ITPR2: variants seen among roughly 807,000 people sequenced by gnomAD.
ITPR2 encodes the protein inositol 1,4,5-trisphosphate-gated calcium channel ITPR2.
Under a neutral mutation model 317.1 loss-of-function variants are expected in ITPR2, and 207 were observed. The observed-to-expected ratio is 0.65, with a 90% CI of 0.58 to 0.73. ITPR2 has a LOEUF of 0.73. Among genes scored for constraint, ITPR2 ranks in the 30% least tolerant of loss-of-function variants. ITPR2 has a pLI of 0.00. For missense variants in ITPR2, 2,613 were observed against 3,284.0 expected (o/e 0.80, Z 4.99); for synonymous variants, 1,156 against 1,149.1 (o/e 1.01, Z -0.12).
chr12:26,342,904 C>T (rs1006856287), intron 55 of ITPR2, among the ~76,000 whole-genome samples: 2 of 151,546 alleles, frequency 1.3e-5, no homozygotes, highest in African/African-American at 2.4e-5. Flanking sequence ...CCACCACGTC[C>T]GGTGAGTTCT....
At chr12:26,644,786 C>T (rs553897639) in intron 21 of ITPR2, among the ~76,000 whole-genome samples, 3 of 152,252 alleles carry the variant, frequency 2.0e-5, no homozygotes, top group Admixed American at 2.0e-4. Flanking sequence ...GAGGACACAG[C>T]CAAACCATAT....
chr12:26,692,449 GATCATATTCCAC>G (rs1423080183), intron 10 of ITPR2, among the ~76,000 whole-genome samples: 4 of 152,170 alleles, frequency 2.6e-5, no homozygotes, highest in African/African-American at 9.7e-5. Context: ...AGAAAAATCA[GATCATATTCCAC>G]ATAAATATGG....
At chr12:26,617,720 G>GAAGGAGCGA (rs879814979) in intron 26 of ITPR2, among the ~76,000 whole-genome samples, 1 of 115,030 alleles carries the variant, frequency 8.7e-6, no homozygotes, top group Non-Finnish European at 1.8e-5. Context: ...AGGAGGGAAG[G>GAAGGAGCGA]AGGAAGGGAG....
Position 26,659,149 on chromosome 12 carries a change from G to A in ITPR2, c.1850C>T (p.Thr617Ile), listed in dbSNP as rs555235892. 1 of 1,613,208 alleles carries A rather than the reference G, an allele frequency of 6.2e-7. No individual in the cohort carries two copies. Among genetic ancestry groups the A allele is most frequent in the African/African-American group, 1.3e-5 (1 of 75,014 alleles). The change falls in exon 16 of 57, where the codon ACA becomes ATA. Residue 617 changes from threonine to isoleucine, a missense_variant. Thr to Ile is a moderately conservative substitution (Grantham distance 89). This residue lies in a region of ITPR2 where 515 missense variants were observed against 789.4 expected (regional missense o/e 0.65). Coordinates refer to ENST00000381340, the MANE Select transcript of ITPR2 (RefSeq NM_002223.4). ...EKHITAKEIE[T>I]FVSLLRRNRE... is the part of the protein sequence containing the mutation. ...ATTTCTCCTGAGTAAACTGACAAAT[G>A]TTTCTATTTCTTTTGCTGTGATATG...
At chr12:26,593,539 G>C (rs1206346756) in intron 32 of ITPR2, among the ~76,000 whole-genome samples, 1 of 152,150 alleles carries the variant, frequency 6.6e-6, no homozygotes, top group African/African-American at 2.4e-5. Flanking sequence ...CTGGTGAAGG[G>C]ATTAGAGAGC....
chr12:26,498,218 CAAAAG>C (rs971404253), intron 37 of ITPR2, among the ~76,000 whole-genome samples: 1 of 152,164 alleles, frequency 6.6e-6, no homozygotes, highest in African/African-American at 2.4e-5. Flanking sequence ...TGACTAGTCT[CAAAAG>C]AAACAGTGAA....
At chr12:26,509,958 T>TTTTGTG (rs1247091708) in intron 37 of ITPR2, among the ~76,000 whole-genome samples, 1 of 53,196 alleles carries the variant, frequency 1.9e-5, no homozygotes, top group East Asian at 5.8e-4. Context: ...GATAAGGGTT[T>TTTTGTG]TGTGTGTGTG....
At chr12:26,424,579 G>T (rs11048511) in intron 49 of ITPR2, among the ~76,000 whole-genome samples, 7 of 129,706 alleles carry the variant, frequency 5.4e-5, no homozygotes, top group Non-Finnish European at 4.6e-5. Context: ...TTTTGTTTTC[G>T]TTTTGTGTTT....
chr12:26,736,556 C>A (rs1949121428), intron 2 of ITPR2, among the ~76,000 whole-genome samples: 1 of 152,140 alleles, frequency 6.6e-6, no homozygotes, highest in South Asian at 2.1e-4. Context: ...TTGAGTTCAA[C>A]TTAACATAAT....
chr12:26,820,591 T>C (rs556082173), intron 1 of ITPR2, among the ~76,000 whole-genome samples: 39 of 152,212 alleles, frequency 2.6e-4, no homozygotes, highest in Non-Finnish European at 4.9e-4. Context: ...AAACATAGCA[T>C]TACCATATGA....
intron 34 of ITPR2, among the ~76,000 whole-genome samples, chr12:26,577,901 A>C (rs1266138641): frequency 1.3e-5 from 2 of 152,182 alleles, no homozygotes; most frequent in Non-Finnish European, 2.9e-5. Context: ...CTTAACTATC[A>C]AATGTAAATA....
At chr12:26,622,485 C>T (rs1367392783) in intron 24 of ITPR2, 80 bp from the exon 25 acceptor site, 21 of 1,097,134 alleles carry the variant, frequency 1.9e-5, no homozygotes, top group Non-Finnish European at 2.5e-5. Flanking sequence ...TATACGTATT[C>T]TCAGAGGTAT....
intron 45 of ITPR2, among the ~76,000 whole-genome samples, chr12:26,449,749 T>C (rs7302093): frequency 0.88 from 133,454 of 152,088 alleles, 58,637 homozygotes; most frequent in South Asian, 0.9. Context: ...ATGGAGGATG[T>C]GCAATGAGAA....
At chr12:26,775,019 A>G (rs1949934294) in intron 2 of ITPR2, among the ~76,000 whole-genome samples, 1 of 152,098 alleles carries the variant, frequency 6.6e-6, no homozygotes, top group Non-Finnish European at 1.5e-5. Flanking sequence ...GAGCTTCACT[A>G]ATGCACGCTG....
intron 4 of ITPR2, among the ~76,000 whole-genome samples, chr12:26,724,132 G>T (rs1487392064): frequency 6.6e-6 from 1 of 152,068 alleles, no homozygotes; most frequent in African/African-American, 2.4e-5. Flanking sequence ...TTTGAAAAAG[G>T]TGGGGCATAT....
At chr12:26,744,944 T>C (rs569475100) in intron 2 of ITPR2, among the ~76,000 whole-genome samples, 1 of 152,392 alleles carries the variant, frequency 6.6e-6, no homozygotes, top group South Asian at 2.1e-4. Context: ...CAAACTGTTA[T>C]GCACGTACAG....
chr12:26,734,798 A>G (rs1031301), intron 2 of ITPR2, among the ~76,000 whole-genome samples: 125,064 of 152,082 alleles, frequency 0.82, 51,573 homozygotes, highest in East Asian at 0.98. Flanking sequence ...GTTCCTCCGT[A>G]AGCAGAGATT....
chr12:26,759,595 A>C (rs1380409466), intron 2 of ITPR2, among the ~76,000 whole-genome samples: 1 of 152,240 alleles, frequency 6.6e-6, no homozygotes, highest in Non-Finnish European at 1.5e-5. Context: ...GCTGGAACAC[A>C]CAATCTTACT....
rs914271611 is a variant in ITPR2 at position 26,831,588 on chromosome 12, C to T, written c.92+1102G>A. 1.6e-4 allele frequency among the ~76,000 whole-genome samples: 24 copies of T among 151,728 alleles called. No individual in the cohort carries two copies. Among genetic ancestry groups the T allele is most frequent in the South Asian group, 4.2e-4 (2 of 4,812 alleles). Reference sequence around the variant, plus strand: ...TCCTGTGCATCAAAATATACTGCAGCGTGCAATTAAACTGCACACTGCTAT... The same window carrying T: ...TCCTGTGCATCAAAATATACTGCAGTGTGCAATTAAACTGCACACTGCTAT... On this transcript the variant is annotated intron_variant, in intron 1 of 56. Transcript: ENST00000381340. The surrounding 1 kb of genome is among the most constrained non-coding windows in gnomAD (Gnocchi z 4.9).
Sources: gnomAD v4.1 joint callset for allele counts (sites outside exome capture counted in the v4.1 genomes callset) on GRCh38, gnomAD v4.1.1 for gene constraint, gnomAD v4.1.1 regional missense constraint, Gnocchi (gnomAD v3.1) non-coding constraint, MANE v1.5 for transcripts, NCBI Gene and HGNC (gene_info 2026-07-23, HGNC 2026-07-21) for gene names.